PBX1: variants seen among roughly 807,000 people sequenced by gnomAD.
PBX1 encodes pre-B-cell leukemia transcription factor 1.
In PBX1, 6 loss-of-function variants were observed where a neutral mutation model predicts 53.4. That is an observed-to-expected ratio of 0.11 (90% CI 0.06 to 0.22). The LOEUF is 0.22. Ranked by LOEUF, PBX1 falls within the 10% of genes least tolerant of loss-of-function variation. PBX1 has a pLI of 1.00. For missense variants in PBX1, 251 were observed against 551.4 expected, an observed-to-expected ratio of 0.46 and a Z score of 5.46; for synonymous variants, 204 against 212.3, an observed-to-expected ratio of 0.96 and a Z score of 0.34.
At chr1:164,614,252 A>C (rs1345497982) in intron 2 of PBX1, among the ~76,000 whole-genome samples, 1 of 152,214 alleles carries the variant, frequency 6.6e-6, no homozygotes, top group Non-Finnish European at 1.5e-5. Flanking sequence ...CTCTGATTTT[A>C]CAAATGAGGA....
intron 2 of PBX1, among the ~76,000 whole-genome samples, chr1:164,724,535 A>G (rs753982424): frequency 2.0e-5 from 3 of 152,196 alleles, no homozygotes; most frequent in Non-Finnish European, 4.4e-5. Context: ...GTGTTGGGCC[A>G]CATTCAAAGC....
chr1:164,561,507 T>C (rs376475224), intron 1 of PBX1, among the ~76,000 whole-genome samples: 3 of 152,356 alleles, frequency 2.0e-5, no homozygotes, highest in African/African-American at 7.2e-5. Context: ...ATAGGTATGG[T>C]AAGAGGAAGA....
At chr1:164,598,488 C>G (rs768868304) in intron 2 of PBX1, among the ~76,000 whole-genome samples, 6 of 152,112 alleles carry the variant, frequency 3.9e-5, no homozygotes, top group African/African-American at 1.2e-4. Context: ...GGATGACTAC[C>G]GGCACTCTTA....
chr1:164,623,925 A>C (rs1657864716), intron 2 of PBX1, among the ~76,000 whole-genome samples: 1 of 152,240 alleles, frequency 6.6e-6, no homozygotes, highest in Non-Finnish European at 1.5e-5. Flanking sequence ...TGACAAATCC[A>C]GTTGCATGTG....
chr1:164,776,491 C>CT (rs2102262399), intron 2 of PBX1, among the ~76,000 whole-genome samples: 1 of 152,320 alleles, frequency 6.6e-6, no homozygotes, highest in South Asian at 2.1e-4. Context: ...TCCCTCTTTT[C>CT]TTTTGCCATT....
intron 2 of PBX1, among the ~76,000 whole-genome samples, chr1:164,677,852 A>G (rs531871858): frequency 6.6e-6 from 1 of 152,252 alleles, no homozygotes; most frequent in East Asian, 1.9e-4. Flanking sequence ...AGGTTACAGT[A>G]GTGATGGAAT....
At chr1:164,791,328 AG>A (rs1299785275) in intron 2 of PBX1, among the ~76,000 whole-genome samples, 1 of 152,206 alleles carries the variant, frequency 6.6e-6, no homozygotes, top group African/African-American at 2.4e-5. Context: ...CATAAAGATC[AG>A]CCATCTCATT....
At chr1:164,743,669 TAAAC>T (rs1329053836) in intron 2 of PBX1, among the ~76,000 whole-genome samples, 1 of 152,140 alleles carries the variant, frequency 6.6e-6, no homozygotes, top group African/African-American at 2.4e-5. Context: ...AATGGTGGCT[TAAAC>T]AAAGTCATGG....
chr1:164,803,092 T>C (rs900227701), intron 4 of PBX1, among the ~76,000 whole-genome samples: 2 of 152,018 alleles, frequency 1.3e-5, no homozygotes, highest in African/African-American at 2.4e-5. Context: ...TCCAAGAAGG[T>C]CTAGTCTGGT....
At chr1:164,570,606 A>G (rs1165781793) in intron 2 of PBX1, among the ~76,000 whole-genome samples, 10 of 152,214 alleles carry the variant, frequency 6.6e-5, no homozygotes, top group Non-Finnish European at 1.0e-4. Flanking sequence ...GCAGTCTATC[A>G]TTGATGGGCA....
chr1:164,605,096 G>C (rs570122569), intron 2 of PBX1: 1 of 152,112 alleles, frequency 6.6e-6, no homozygotes, highest in Admixed American at 6.5e-5. Context: ...ATTAAATGCT[G>C]TGATGGGGAT....
chr1:164,647,901 G>T (rs997042910), intron 2 of PBX1, among the ~76,000 whole-genome samples: 3 of 149,440 alleles, frequency 2.0e-5, no homozygotes, highest in African/African-American at 7.4e-5. Flanking sequence ...TGCAAACTCC[G>T]CCTCCCGGGT....
chr1:164,641,453 T>A (rs1659139231), intron 2 of PBX1: 1 of 153,116 alleles, frequency 6.5e-6, no homozygotes, highest in Admixed American at 6.5e-5. Flanking sequence ...CCCTCCCCCT[T>A]AGCTAAGGCT....
At chr1:164,767,558 A>G (rs1166865748) in intron 2 of PBX1, among the ~76,000 whole-genome samples, 1 of 152,158 alleles carries the variant, frequency 6.6e-6, no homozygotes, top group Non-Finnish European at 1.5e-5. Context: ...TCTCAGTTGC[A>G]CAAGGAAAAA....
chr1:164,846,858 A>T lies in PBX1; in HGVS notation c.*182A>T. 3 of 1,421,658 alleles carry T rather than the reference A, an allele frequency of 2.1e-6. No individual in the cohort carries two copies. The highest frequency in any genetic ancestry group is 1.8e-6 in the Non-Finnish European group (2 of 1,089,700). The allele number at this position is 1,421,658 out of a possible 1,614,324, so 88.1% of individuals were successfully genotyped here. On this transcript the variant is annotated 3_prime_UTR_variant, in exon 9 of 9. Coordinates refer to ENST00000420696, the MANE Select transcript of PBX1 (RefSeq NM_002585.4). Reference sequence around the variant, plus strand: ...TTTCAGCCAATCTGGACACTTCTTTATACTCTCTTCCCTTTTTTTTCTGGG... The same window carrying T: ...TTTCAGCCAATCTGGACACTTCTTTTTACTCTCTTCCCTTTTTTTTCTGGG...
intron 2 of PBX1, among the ~76,000 whole-genome samples, chr1:164,731,987 T>C (rs535145599): frequency 1.3e-5 from 2 of 152,246 alleles, no homozygotes; most frequent in South Asian, 4.1e-4. Flanking sequence ...ACCAGGCACT[T>C]TCCTACACAG....
intron 2 of PBX1, among the ~76,000 whole-genome samples, chr1:164,631,823 C>T (rs1422626379): frequency 6.6e-6 from 1 of 152,154 alleles, no homozygotes; most frequent in Non-Finnish European, 1.5e-5. Flanking sequence ...CTGATTTGGG[C>T]CATATTCGAC....
chr1:164,822,655 C>T (rs959585079), intron 8 of PBX1, among the ~76,000 whole-genome samples: 2 of 152,184 alleles, frequency 1.3e-5, no homozygotes, highest in Non-Finnish European at 2.9e-5. Context: ...AGTTATTTCT[C>T]AGATCAGATG....
intron 2 of PBX1, among the ~76,000 whole-genome samples, chr1:164,747,241 A>G (rs1665938973): frequency 6.6e-6 from 1 of 152,106 alleles, no homozygotes; most frequent in Non-Finnish European, 1.5e-5. Flanking sequence ...TTAAAAAAAT[A>G]GGCTTAGGCT....
Sources: allele counts gnomAD v4.1 joint callset (sites outside exome capture counted in the v4.1 genomes callset), GRCh38; gene constraint gnomAD v4.1.1; transcripts MANE v1.5; gene names NCBI Gene and HGNC (gene_info 2026-07-23, HGNC 2026-07-21).